The following RAD51B variants were observed in gnomAD, a reference collection of about 807,000 sequenced individuals.
RAD51B encodes the protein DNA repair protein RAD51 homolog 2.
RAD51B carries 38 observed loss-of-function variants against 42.2 expected under a neutral mutation model. The ratio of observed to expected loss-of-function variants is 0.90; its 90% CI spans 0.70 to 1.18. The LOEUF (loss-of-function observed/expected upper bound fraction) is 1.18. RAD51B is among the 50% of genes most tolerant of loss of function. RAD51B has a pLI of 0.00. For missense variants in RAD51B, 373 were observed against 400.7 expected (o/e 0.93, Z 0.59); for synonymous variants, 154 against 145.2 (o/e 1.06, Z -0.43).
intron 7 of RAD51B, among the ~76,000 whole-genome samples, chr14:68,204,855 T>C (rs1468236226): frequency 6.6e-6 from 1 of 152,228 alleles, no homozygotes; most frequent in African/African-American, 2.4e-5. Flanking sequence ...AAGTATACAC[T>C]GTATTGTTCT....
rs142797623 is a variant in RAD51B, at chr14:68,354,529, C to T, written c.854-56895C>T. On this transcript the variant is annotated intron_variant, in intron 8 of 10. Coordinates refer to ENST00000471583, the MANE Select transcript of RAD51B (RefSeq NM_133510.4). ...CGCCTGGCCCCAATAATGTTTTAAACGAGTAAAATGAAGTTTGTCACTTCT... is the reference window on the plus strand; with the variant it reads ...CGCCTGGCCCCAATAATGTTTTAAATGAGTAAAATGAAGTTTGTCACTTCT... Among the ~76,000 whole-genome samples the T allele has an allele frequency of 3.4e-4, 51 of 148,542 alleles. No homozygotes were observed. The South Asian group carries it at 5.6e-3, about 16-fold the overall frequency.
intron 4 of RAD51B, among the ~76,000 whole-genome samples, chr14:67,862,835 A>T (rs1401691283): frequency 6.6e-6 from 1 of 152,118 alleles, no homozygotes; most frequent in Admixed American, 6.5e-5. Context: ...TATAAGTAAT[A>T]AATATTATAA....
chr14:68,618,995 C>T (rs76129890), intron 10 of RAD51B, among the ~76,000 whole-genome samples: 39 of 152,334 alleles, frequency 2.6e-4, no homozygotes, highest in Middle Eastern at 6.8e-3. Flanking sequence ...AGACCACTCA[C>T]GTAGAGACAA....
intron 7 of RAD51B, among the ~76,000 whole-genome samples, chr14:68,265,235 T>C (rs1489657986): frequency 6.6e-6 from 1 of 152,246 alleles, no homozygotes; most frequent in African/African-American, 2.4e-5. Flanking sequence ...AGTTACTGTA[T>C]GTTTCAAACA....
At chr14:67,993,596 G>A (rs935602963) in intron 7 of RAD51B, among the ~76,000 whole-genome samples, 3 of 152,142 alleles carry the variant, frequency 2.0e-5, no homozygotes, top group African/African-American at 7.2e-5. Context: ...TTCATGTGTT[G>A]ATGGACACTT....
chr14:68,120,232 T>C (rs1015308987), intron 7 of RAD51B, among the ~76,000 whole-genome samples: 10 of 152,234 alleles, frequency 6.6e-5, no homozygotes, highest in Non-Finnish European at 1.3e-4. Context: ...CTTTGTCAGA[T>C]GAGTAGGTTG....
intron 10 of RAD51B, among the ~76,000 whole-genome samples, chr14:68,624,715 A>G (rs958163806): frequency 6.6e-6 from 1 of 151,902 alleles, no homozygotes; most frequent in African/African-American, 2.4e-5. Flanking sequence ...GGAAAGTCAG[A>G]CCAATGTCAT....
intron 7 of RAD51B, among the ~76,000 whole-genome samples, chr14:68,242,035 A>G (rs2080398827): frequency 3.3e-5 from 5 of 152,130 alleles, no homozygotes; most frequent in Admixed American, 3.3e-4. Flanking sequence ...TCAGCTCTGA[A>G]GCTTCTCTGG....
chr14:68,163,021 A>G lies in RAD51B; in HGVS notation c.757-128863A>G, dbSNP rs116067337. 3.1e-3 allele frequency among the ~76,000 whole-genome samples: 478 copies of G among 152,290 alleles called. 1 individual carries two copies. Among genetic ancestry groups the G allele is most frequent in the African/African-American group, 0.011 (462 of 41,564 alleles). On this transcript the variant is annotated intron_variant, in intron 7 of 10. Transcript: ENST00000471583. The stretch of plus-strand genomic sequence containing the variant: ...AACCTTCTTGTTAAATGACATGAAA[A>G]TAGTTTATACTGTCTGACTCCTTGA...
intron 9 of RAD51B, among the ~76,000 whole-genome samples, chr14:68,429,561 A>T (rs187629074): frequency 9.7e-4 from 147 of 152,326 alleles, no homozygotes; most frequent in Admixed American, 3.1e-3. Context: ...TTCTTTTGAA[A>T]AGTGTCTGTT....
chr14:67,951,775 T>C (rs1442139678), intron 7 of RAD51B, among the ~76,000 whole-genome samples: 1 of 152,202 alleles, frequency 6.6e-6, no homozygotes, highest in Non-Finnish European at 1.5e-5. Flanking sequence ...GGCTGCAAAG[T>C]TGTTAAAGTT....
At chr14:68,288,920 A>G (rs1023663976) in intron 7 of RAD51B, among the ~76,000 whole-genome samples, 1 of 152,204 alleles carries the variant, frequency 6.6e-6, no homozygotes, top group Non-Finnish European at 1.5e-5. Context: ...AGACAAATAC[A>G]TTATTCAGTT....
At chr14:67,940,041 T>C (rs1423920631) in intron 7 of RAD51B, among the ~76,000 whole-genome samples, 3 of 13,570 alleles carry the variant, frequency 2.2e-4, no homozygotes, top group African/African-American at 4.9e-4. Flanking sequence ...TATATATATA[T>C]ATATATATAT....
chr14:68,650,798 A>G, exon 11 of RAD51B: 1 of 760,948 alleles, frequency 1.3e-6, no homozygotes, highest in Non-Finnish European at 2.4e-6. Flanking sequence ...GCACATTTGC[A>G]TATCTGGTTT....
chr14:68,086,217 C>T (rs528821443), intron 7 of RAD51B, among the ~76,000 whole-genome samples: 2 of 152,264 alleles, frequency 1.3e-5, no homozygotes, highest in East Asian at 3.9e-4. Flanking sequence ...GCCCAGAGGC[C>T]GGGGCTCTCC....
chr14:68,313,286 G>T (rs1250579536), intron 8 of RAD51B, among the ~76,000 whole-genome samples: 1 of 152,206 alleles, frequency 6.6e-6, no homozygotes, highest in African/African-American at 2.4e-5. Flanking sequence ...TACAGCAGCT[G>T]AATGTCATTC....
chr14:68,524,233 T>G (rs1319978310), intron 10 of RAD51B, among the ~76,000 whole-genome samples: 1 of 152,246 alleles, frequency 6.6e-6, no homozygotes, highest in East Asian at 1.9e-4. Flanking sequence ...AGAGAGCTGC[T>G]GTCACGATCC....
intron 10 of RAD51B, among the ~76,000 whole-genome samples, chr14:68,632,621 G>A (rs943908458): frequency 4.6e-5 from 7 of 152,132 alleles, no homozygotes; most frequent in African/African-American, 1.2e-4. Flanking sequence ...TTTTGCACCC[G>A]TCCACTCACC....
chr14:68,235,046 A>C (rs899307431), intron 7 of RAD51B, among the ~76,000 whole-genome samples: 5 of 152,198 alleles, frequency 3.3e-5, no homozygotes, highest in African/African-American at 1.2e-4. Context: ...AATATGTAGA[A>C]AGAGTACACT....
Sources: allele counts gnomAD v4.1 joint callset (sites outside exome capture counted in the v4.1 genomes callset), GRCh38; gene constraint gnomAD v4.1.1; transcripts MANE v1.5; gene names NCBI Gene and HGNC (gene_info 2026-07-23, HGNC 2026-07-21).